The following COL6A5 variants were observed in gnomAD, a reference collection of about 807,000 sequenced individuals.
COL6A5 encodes collagen alpha-5(VI) chain.
In COL6A5, 48 loss-of-function variants were observed where a neutral mutation model predicts 65.6. The observed-to-expected ratio is 0.73, with a 90% CI of 0.58 to 0.93. COL6A5 has a LOEUF of 0.93. Among genes scored for constraint, COL6A5 ranks in the 40% least tolerant of loss-of-function variants. The pLI is 0.00. For synonymous variants in COL6A5, 291 were observed against 322.8 expected (o/e 0.90, Z 1.05); for missense variants, 914 against 928.3 (o/e 0.98, Z 0.20).
intron 4 of COL6A5, among the ~76,000 whole-genome samples, chr3:130,454,076 A>T (rs963143449): frequency 1.3e-5 from 2 of 152,186 alleles, no homozygotes; most frequent in African/African-American, 4.8e-5. Context: ...ACATTTACAA[A>T]CACAAATCTA....
In COL6A5 at chr3:130,440,434, C is replaced by A. The variant is rs1251701852; in HGVS notation, c.852C>A (p.Phe284Leu). The change falls in exon 3 of 8, where the codon TTC becomes TTA. Residue 284 changes from phenylalanine (F) to leucine (L), a missense_variant. Transcript: ENST00000512836. ...GTACAGTAAAAACAGAGTTTGATTTCATCACTTATGACAACCAACTCCTAA... is the reference window on the plus strand; with the variant it reads ...GTACAGTAAAAACAGAGTTTGATTTAATCACTTATGACAACCAACTCCTAA... The A allele has an allele frequency of 1.9e-6, 3 of 1,613,598 alleles. No homozygotes were observed. In the South Asian group the frequency reaches 3.3e-5, roughly 18 times the overall value.
chr3:130,379,777 G>C, exon 4 of COL6A5: 1 of 1,551,420 alleles, frequency 6.4e-7, no homozygotes. Context: ...TCAGATTGCA[G>C]TTCTGGTCAC....
chr3:130,445,948 A>G (rs1011715389), intron 4 of COL6A5, among the ~76,000 whole-genome samples: 5 of 152,118 alleles, frequency 3.3e-5, no homozygotes. Flanking sequence ...TTTTTAGGGC[A>G]TGGTTTTCCT....
At chr3:130,399,817 A>G (rs929203897) in intron 10 of COL6A5, among the ~76,000 whole-genome samples, 3 of 151,684 alleles carry the variant, frequency 2.0e-5, no homozygotes, top group Admixed American at 1.3e-4. Context: ...CAGTGACACA[A>G]TCTCAGCTCG....
At chr3:130,430,476 C>G (rs1297999615), upstream of COL6A5, among the ~76,000 whole-genome samples, 3 of 152,112 alleles carry the variant, frequency 2.0e-5, no homozygotes, top group Non-Finnish European at 4.4e-5. Context: ...GGATAGAGAA[C>G]AGCCTGAGCA....
intron 1 of COL6A5, among the ~76,000 whole-genome samples, chr3:130,350,138 C>T (rs1453814998): frequency 6.6e-6 from 1 of 152,122 alleles, no homozygotes; most frequent in African/African-American, 2.4e-5. Context: ...CCTCATCAAT[C>T]AACATAGGAG....
chr3:130,417,687 A>C (rs2403344), intron 24 of COL6A5, among the ~76,000 whole-genome samples: 88,066 of 151,984 alleles, frequency 0.58, 28,285 homozygotes, highest in Non-Finnish European at 0.73. Context: ...ACCTCATCGG[A>C]ATCTGACTCC....
chr3:130,455,445 T>C lies in COL6A5; in HGVS notation c.1333-10T>C, dbSNP rs964859132. The C allele has an allele frequency of 1.3e-6, 2 of 1,585,332 alleles. No individual in the cohort carries two copies. The highest frequency in any genetic ancestry group is 2.2e-5 in the East Asian group (1 of 44,464). On this transcript the variant is annotated splice_polypyrimidine_tract_variant and intron_variant, in intron 4 of 7. Transcript: ENST00000512836. ...TATCTAGACTCACCTAAAGTTTTTT[T>C]TTCTTCTAGATTTGTTACTGAGCTA... is the stretch of plus-strand genomic sequence containing the variant.
chr3:130,410,629 T>A, intron 20 of COL6A5, 105 bp downstream of exon 20: 1 of 933,950 alleles, frequency 1.1e-6, no homozygotes, highest in African/African-American at 1.7e-5. Flanking sequence ...GGCTGAAATA[T>A]TTTTCAGGGC....
intron 22 of COL6A5, among the ~76,000 whole-genome samples, chr3:130,415,132 C>G (rs1263699856): frequency 6.6e-6 from 1 of 152,098 alleles, no homozygotes; most frequent in African/African-American, 2.4e-5. Context: ...ACGTTACTGC[C>G]ACCTCTAGTT....
chr3:130,405,469 T>C, intron 13 of COL6A5, 119 bp from the exon 14 acceptor site: 1 of 614,818 alleles, frequency 1.6e-6, no homozygotes. Flanking sequence ...TTGAAGAGGA[T>C]TCACTTTTTC....
chr3:130,376,469 C>T, exon 3 of COL6A5: 1 of 1,612,008 alleles, frequency 6.2e-7, no homozygotes, highest in Non-Finnish European at 8.5e-7. Flanking sequence ...TCAAGAAGAA[C>T]TTTCAGTTCA....
intron 1 of COL6A5, among the ~76,000 whole-genome samples, chr3:130,438,062 G>C (rs545313481): frequency 2.6e-5 from 4 of 152,026 alleles, no homozygotes; most frequent in African/African-American, 4.8e-5. Flanking sequence ...GCAGTGGCAC[G>C]ATCTTGGCTC....
At chr3:130,409,642 C>T (rs1372892705) in intron 18 of COL6A5, among the ~76,000 whole-genome samples, 2 of 152,148 alleles carry the variant, frequency 1.3e-5, no homozygotes, top group African/African-American at 4.8e-5. Flanking sequence ...ATTTATTGGA[C>T]TTCTAATCTT....
intron 4 of COL6A5, among the ~76,000 whole-genome samples, chr3:130,450,734 G>T (rs561065299): frequency 6.6e-6 from 1 of 152,126 alleles, no homozygotes; most frequent in African/African-American, 2.4e-5. Context: ...GTATAATTCA[G>T]AGTGACCTTG....
chr3:130,471,009 A>C (rs1709938166), intron 7 of COL6A5, 42 bp downstream of exon 39: 1 of 1,373,546 alleles, frequency 7.3e-7, no homozygotes, highest in African/African-American at 1.4e-5. Flanking sequence ...CCACAACTGG[A>C]AACAGTTCTT....
At chr3:130,395,044 T>C in exon 8 of COL6A5, 1 of 1,551,674 alleles carries the variant, frequency 6.4e-7, no homozygotes, top group Non-Finnish European at 8.7e-7. Context: ...TGGCTCAATT[T>C]GGAAGCAACT....
chr3:130,369,992 G>A (rs1262185515), intron 1 of COL6A5, among the ~76,000 whole-genome samples: 1 of 152,164 alleles, frequency 6.6e-6, no homozygotes. Context: ...TGGTTCACTT[G>A]GTAGCTATTC....
chr3:130,398,796 G>T (rs1198702006), intron 10 of COL6A5, among the ~76,000 whole-genome samples: 1 of 152,164 alleles, frequency 6.6e-6, no homozygotes, highest in Non-Finnish European at 1.5e-5. Flanking sequence ...AGTACAATTT[G>T]CATTCCAGAG....
Sources: allele counts gnomAD v4.1 joint callset (sites outside exome capture counted in the v4.1 genomes callset), GRCh38; gene constraint gnomAD v4.1.1; transcripts MANE v1.5; gene names NCBI Gene and HGNC (gene_info 2026-07-23, HGNC 2026-07-21).